The following SYNE2 variants were observed in gnomAD, a reference collection of about 807,000 sequenced individuals.
SYNE2 encodes the protein nesprin-2.
SYNE2 carries 431 observed loss-of-function variants against 856.3 expected under a neutral mutation model. The ratio of observed to expected loss-of-function variants is 0.50; its 90% confidence interval spans 0.47 to 0.55. The LOEUF (loss-of-function observed/expected upper bound fraction) is 0.55, where lower values mean the gene tolerates loss of function less well. SYNE2 is among the 20% of genes least tolerant of loss of function. SYNE2 has a pLI of 0.00. For synonymous variants in SYNE2, 2,923 were observed against 2,872.3 expected (o/e 1.02, Z -0.56); for missense variants, 8,129 against 8,023.2 (o/e 1.01, Z -0.50).
intron 54 of SYNE2, among the ~76,000 whole-genome samples, chr14:64,077,660 CAA>C (rs1315369006): frequency 1.2e-4 from 18 of 150,772 alleles, no homozygotes; most frequent in Non-Finnish European, 1.2e-4. Flanking sequence ...ATTTACAAAA[CAA>C]AGGATTATAC....
intron 2 of SYNE2, among the ~76,000 whole-genome samples, chr14:63,916,826 G>A (rs1765686209): frequency 6.6e-6 from 1 of 152,080 alleles, no homozygotes; most frequent in African/African-American, 2.4e-5. Flanking sequence ...GCTCACACCT[G>A]TAATCCCAGC....
chr14:64,201,230 C>G (rs1370444107), intron 99 of SYNE2, among the ~76,000 whole-genome samples: 1 of 152,198 alleles, frequency 6.6e-6, no homozygotes, highest in Non-Finnish European at 1.5e-5. Context: ...CTACCACTTC[C>G]CTGAAGCTTA....
At chr14:64,220,345 T>C in intron 110 of SYNE2, 92 bp from the exon 111 acceptor site, 18 of 1,383,082 alleles carry the variant, frequency 1.3e-5, no homozygotes, top group Non-Finnish European at 1.8e-5. Context: ...CTTGGAAAAG[T>C]GTGTGGAAAA....
intron 1 of SYNE2, among the ~76,000 whole-genome samples, chr14:63,776,550 C>A (rs1219992104): frequency 1.5e-4 from 23 of 151,522 alleles, no homozygotes; most frequent in Admixed American, 1.5e-3. Context: ...GTCAAGTGGG[C>A]AGAGCTTTGA....
chr14:64,049,919 A>G, intron 47 of SYNE2, 43 bp downstream of exon 47: 1 of 1,609,228 alleles, frequency 6.2e-7, no homozygotes, highest in Non-Finnish European at 8.5e-7. Flanking sequence ...TTATTCAAGC[A>G]CAACCATCTG....
In SYNE2 at chr14:63,970,196, C is replaced by CT. The variant is rs961221594; in HGVS notation, c.1128+2360dup. On this transcript the variant is annotated intron_variant, in intron 11 of 115. Coordinates refer to ENST00000555002, the MANE Select transcript of SYNE2 (RefSeq NM_182914.3). ...TCTTACCTACTCTGCCAATCCCTGT[C>CT]TTTTTTTTTTGAGATCGAATCTCAC... Among the ~76,000 whole-genome samples, 485 of 149,250 alleles carry CT rather than the reference C, an allele frequency of 3.2e-3. 2 individuals carry two copies. The highest frequency in any genetic ancestry group is 8.5e-3 in the South Asian group (40 of 4,714).
At chr14:63,921,383 A>G (rs538126833) in intron 2 of SYNE2, among the ~76,000 whole-genome samples, 24 of 152,256 alleles carry the variant, frequency 1.6e-4, no homozygotes, top group African/African-American at 5.5e-4. Context: ...GTAAATGGCA[A>G]TTTGTTCCAT....
At chr14:64,001,707 A>G (rs759839693) in intron 28 of SYNE2, among the ~76,000 whole-genome samples, 24 of 152,218 alleles carry the variant, frequency 1.6e-4, no homozygotes, top group Non-Finnish European at 2.5e-4. Flanking sequence ...AAATGGATAG[A>G]TGGATGAACA....
At chr14:63,971,668 T>C (rs1365691772) in intron 11 of SYNE2, among the ~76,000 whole-genome samples, 2 of 152,030 alleles carry the variant, frequency 1.3e-5, no homozygotes, top group Non-Finnish European at 2.9e-5. Flanking sequence ...GTATTTCCCA[T>C]GTTCTTAATT....
rs145771079 is a variant in SYNE2 at position 63,858,239 on chromosome 14, C to T, written c.-52+5096C>T. Among the ~76,000 whole-genome samples, 562 of 134,528 alleles carry T rather than the reference C, an allele frequency of 4.2e-3. 8 individuals carry two copies. Among genetic ancestry groups the T allele is most frequent in the African/African-American group, 0.015 (527 of 35,820 alleles). The allele number at this position is 134,528 out of a possible 152,430, so 88.3% of individuals were successfully genotyped here. ...CTAGTGATTGTGGTACCTGGGATTA[C>T]AGGTGTGCGTCTCCACACCGGCCTT... On this transcript the variant is annotated intron_variant, in intron 1 of 115. Coordinates refer to ENST00000555002, the MANE Select transcript of SYNE2 (RefSeq NM_182914.3).
At chr14:64,040,178 A>G (rs2097136706) in intron 45 of SYNE2, among the ~76,000 whole-genome samples, 1 of 152,228 alleles carries the variant, frequency 6.6e-6, no homozygotes, top group African/African-American at 2.4e-5. Flanking sequence ...AAAGTCTGAT[A>G]ACAAATAATT....
chr14:64,012,716 A>G (rs149496956), intron 32 of SYNE2, among the ~76,000 whole-genome samples: 1 of 152,338 alleles, frequency 6.6e-6, no homozygotes, highest in East Asian at 1.9e-4. Context: ...ATTATTTTGT[A>G]TGAAAGATAT....
chr14:63,792,633 A>G (rs1259233554), intron 1 of SYNE2, among the ~76,000 whole-genome samples: 1 of 146,770 alleles, frequency 6.8e-6, no homozygotes, highest in Non-Finnish European at 1.5e-5. Flanking sequence ...GTTACTATTG[A>G]AGAGAGGGAT....
In SYNE2 at chr14:64,152,712, C is replaced by T. The variant is rs566704933; in HGVS notation, c.15788C>T (p.Thr5263Ile). ...ELFQKRSSVL[T>I]QVNQLKTSMQ... ...TTTCAAAAGAGAAGCAGTGTTCTCA[C>T]TCAGGTACTAGAATTCATTTGAAAT... is the stretch of plus-strand genomic sequence containing the variant. The change falls in exon 85 of 116, where the codon ACT becomes ATT. Residue 5263 changes from threonine to isoleucine, a missense_variant. Physicochemically the swap from Thr to Ile is moderately conservative, Grantham distance 89 (BLOSUM62 -1). This residue lies in a region of SYNE2 where 5,410 missense variants were observed against 5,284.8 expected (regional missense o/e 1.02). Coordinates refer to ENST00000555002, the MANE Select transcript of SYNE2 (RefSeq NM_182914.3). 9 of 1,614,062 alleles carry T rather than the reference C, an allele frequency of 5.6e-6. No individual in the cohort carries two copies. The East Asian group carries it at 2.0e-4, about 36-fold the overall frequency.
chr14:64,214,575 C>A, intron 106 of SYNE2, 105 bp downstream of exon 106: 2 of 1,153,710 alleles, frequency 1.7e-6, no homozygotes, highest in Non-Finnish European at 2.5e-6. Context: ...CATCTTGTGG[C>A]CGACCCTGAC....
intron 1 of SYNE2, among the ~76,000 whole-genome samples, chr14:63,869,951 C>G (rs1166660384): frequency 6.6e-6 from 1 of 152,176 alleles, no homozygotes; most frequent in Non-Finnish European, 1.5e-5. Flanking sequence ...TCCCCTCTGA[C>G]TCTGTTCTCC....
chr14:64,214,478 C>G lies in SYNE2; in HGVS notation c.19333+8C>G. ...ACTACAGCGCACTGTCAGGTAACAGCTGGGTTCCCAGCACCCTGGAAAGTG... is the reference window on the plus strand; with the variant it reads ...ACTACAGCGCACTGTCAGGTAACAGGTGGGTTCCCAGCACCCTGGAAAGTG... On this transcript the variant is annotated splice_region_variant and intron_variant, in intron 106 of 115. Coordinates refer to ENST00000555002, the MANE Select transcript of SYNE2 (RefSeq NM_182914.3). 1 of 1,608,252 alleles carries G rather than the reference C, an allele frequency of 6.2e-7. No individual in the cohort carries two copies. Among genetic ancestry groups the G allele is most frequent in the Non-Finnish European group, 8.5e-7 (1 of 1,178,830 alleles).
intron 6 of SYNE2, among the ~76,000 whole-genome samples, chr14:63,943,800 A>G (rs1046930379): frequency 4.0e-5 from 6 of 151,608 alleles, no homozygotes; most frequent in Non-Finnish European, 7.4e-5. Context: ...CCTCCTGAGT[A>G]GCTGGGATTA....
intron 31 of SYNE2, among the ~76,000 whole-genome samples, chr14:64,009,004 T>C (rs1041237037): frequency 3.9e-5 from 6 of 152,168 alleles, no homozygotes; most frequent in Non-Finnish European, 8.8e-5. Flanking sequence ...ACCTCCTGTT[T>C]CCTACCGGAA....
Sources: gnomAD v4.1 joint callset for allele counts (sites outside exome capture counted in the v4.1 genomes callset) on GRCh38, gnomAD v4.1.1 for gene constraint, gnomAD v4.1.1 regional missense constraint, MANE v1.5 for transcripts, NCBI Gene and HGNC (gene_info 2026-07-23, HGNC 2026-07-21) for gene names.